The following LRP11 variants were observed in gnomAD, a reference collection of about 807,000 sequenced individuals.
The protein encoded by LRP11 is LDL receptor related protein 11.
LRP11 carries 25 observed loss-of-function variants against 43.1 expected under a neutral mutation model. That is an observed-to-expected ratio of 0.58 (90% CI 0.42 to 0.81). The LOEUF (loss-of-function observed/expected upper bound fraction) is 0.81, where lower values mean the gene tolerates loss of function less well. Among genes scored for constraint, LRP11 ranks in the 30% least tolerant of loss-of-function variants. The pLI is 0.00. For synonymous variants in LRP11, 316 were observed against 299.4 expected (o/e 1.06, Z -0.57); for missense variants, 623 against 665.1 (o/e 0.94, Z 0.70).
rs1776969697 is a variant in LRP11, at chr6:149,863,501, T to G, written c.520A>C (p.Lys174Gln). Residue 174 changes from lysine to glutamine, a missense_variant, in exon 1 of 7, where the codon AAG becomes CAG. By Grantham distance (53) the Lys-to-Gln change is moderately conservative. Coordinates refer to ENST00000239367, the MANE Select transcript of LRP11 (RefSeq NM_032832.6). ...NCTARGRNVC[K>Q]FALHSGYSSY... ...CTGTAGCCGCTGTGCAGCGCGAACT[T>G]GCAGACGTTGCGGCCGCGCGCCGTG... is the stretch of plus-strand genomic sequence containing the variant. The G allele has an allele frequency of 7.4e-7, 1 of 1,347,086 alleles. No homozygotes were observed. Among genetic ancestry groups the G allele is most frequent in the African/African-American group, 1.5e-5 (1 of 64,942 alleles). The allele number at this position is 1,347,086 out of a possible 1,614,324, so 83.4% of individuals were successfully genotyped here. A position where few individuals can be genotyped will look rare whatever the true frequency, so the allele number is the denominator to read the frequency against.
chr6:149,826,219 T>TG lies in LRP11; in HGVS notation c.1348+44dup, dbSNP rs776936981. ...TCCTCAGCCAGAGGGCATGCAGTTC[T>TG]GAGAAGACTACAGTCTGCAAAGGGT... On this transcript the variant is annotated intron_variant, in intron 6 of 6. Coordinates refer to ENST00000239367, the MANE Select transcript of LRP11 (RefSeq NM_032832.6). 2.8e-6 allele frequency: 4 copies of TG among 1,419,220 alleles called. No homozygotes were observed. The Admixed American group carries it at 5.0e-5, about 18-fold the overall frequency. 87.9% of individuals were successfully genotyped at this position (1,419,220 alleles called of 1,614,324 possible). A position where few individuals can be genotyped will look rare whatever the true frequency, so the allele number is the denominator to read the frequency against.
intron 2 of LRP11, among the ~76,000 whole-genome samples, chr6:149,845,724 T>C (rs376672438): frequency 4.0e-5 from 6 of 151,606 alleles, no homozygotes; most frequent in East Asian, 3.9e-4. Flanking sequence ...CAAGACCAGA[T>C]AATGTCTTAA....
intron 6 of LRP11, among the ~76,000 whole-genome samples, chr6:149,825,886 C>CAG (rs1776332475): frequency 2.6e-5 from 4 of 152,072 alleles, no homozygotes; most frequent in Non-Finnish European, 5.9e-5. Context: ...TGAGCTCAAG[C>CAG]GATCCTCCTG....
chr6:149,825,758 T>C (rs1776330789), intron 6 of LRP11, among the ~76,000 whole-genome samples: 2 of 151,628 alleles, frequency 1.3e-5, no homozygotes, highest in Non-Finnish European at 2.9e-5. Flanking sequence ...CAGGCTCAAG[T>C]GATCCTCCCA....
rs1776262464 is a variant in LRP11, at chr6:149,820,359, C to T, written c.*190G>A. On this transcript the variant is annotated 3_prime_UTR_variant, in exon 7 of 7. Transcript: ENST00000239367. ...TAGGAATCTTTAATCATGAATTCCT[C>T]TCTAAATTTCAAAATATTTTATGAC... 2.2e-6 allele frequency: 1 copy of T among 454,546 alleles called. No individual in the cohort carries two copies. The highest frequency in any genetic ancestry group is 3.8e-5 in the Admixed American group (1 of 26,164). The allele number at this position is 454,546 out of a possible 1,614,324, so 28.2% of individuals were successfully genotyped here. A position where few individuals can be genotyped will look rare whatever the true frequency, so the allele number is the denominator to read the frequency against.
intron 2 of LRP11, among the ~76,000 whole-genome samples, chr6:149,846,939 A>G (rs1776641428): frequency 6.9e-6 from 1 of 145,666 alleles, no homozygotes; most frequent in Non-Finnish European, 1.5e-5. Flanking sequence ...ATCTCAATAT[A>G]AAATAAAATA....
chr6:149,839,010 C>T (rs1290710881), intron 3 of LRP11, among the ~76,000 whole-genome samples: 4 of 151,394 alleles, frequency 2.6e-5, no homozygotes, highest in Non-Finnish European at 2.9e-5. Context: ...AATGGCTGAG[C>T]ACAGTTCACA....
chr6:149,829,753 T>C lies in LRP11; in HGVS notation c.1253-3394A>G, dbSNP rs550653250. 5.9e-5 allele frequency among the ~76,000 whole-genome samples: 9 copies of C among 152,164 alleles called. No individual in the cohort carries two copies. In the South Asian group the frequency reaches 1.2e-3, roughly 21 times the overall value. ...CCTCACTGTTTCTTCCCAATGAAGATGAGAGCTTGCTCATCTTAATTCTTA... is the reference window on the plus strand; with the variant it reads ...CCTCACTGTTTCTTCCCAATGAAGACGAGAGCTTGCTCATCTTAATTCTTA... On this transcript the variant is annotated intron_variant, in intron 5 of 6. Coordinates refer to ENST00000239367, the MANE Select transcript of LRP11 (RefSeq NM_032832.6).
chr6:149,836,137 C>T lies in LRP11; in HGVS notation c.1200G>A (p.Arg400=). Residue 400 remains arginine, a synonymous_variant, in exon 5 of 7, where the codon AGG becomes AGA. Coordinates refer to ENST00000239367, the MANE Select transcript of LRP11 (RefSeq NM_032832.6). ...KPPALSNTEK[R]NHSAFWGPES... ...CTGGTCCCCAAAAGGCGGAATGATT[C>T]CTCTTCTCTGTGTTTGATAATGCAG... is the stretch of plus-strand genomic sequence containing the variant. 6.2e-7 allele frequency: 1 copy of T among 1,614,116 alleles called. No homozygotes were observed. Among genetic ancestry groups the T allele is most frequent in the Non-Finnish European group, 8.5e-7 (1 of 1,180,026 alleles).
intron 2 of LRP11, among the ~76,000 whole-genome samples, chr6:149,852,754 T>C (rs1358526911): frequency 6.6e-6 from 1 of 152,226 alleles, no homozygotes; most frequent in Non-Finnish European, 1.5e-5. Flanking sequence ...GTCTTTGTCC[T>C]CTAGACAAGT....
chr6:149,837,717 G>A (rs533705401), intron 3 of LRP11, among the ~76,000 whole-genome samples: 44 of 152,222 alleles, frequency 2.9e-4, no homozygotes, highest in African/African-American at 1.0e-3. Context: ...CTTGCCAGGA[G>A]GTGGCACACA....
At chr6:149,825,821 G>T (rs1373553394) in intron 6 of LRP11, among the ~76,000 whole-genome samples, 1 of 152,110 alleles carries the variant, frequency 6.6e-6, no homozygotes, top group African/African-American at 2.4e-5. Context: ...GCTAATTTTT[G>T]TATTTTTTGT....
intron 2 of LRP11, among the ~76,000 whole-genome samples, chr6:149,848,303 A>T (rs1052386962): frequency 2.0e-5 from 3 of 152,230 alleles, no homozygotes; most frequent in African/African-American, 7.2e-5. Context: ...AAAGTGGTGT[A>T]CTGTGGAAAG....
intron 1 of LRP11, among the ~76,000 whole-genome samples, chr6:149,859,405 T>A (rs1172294678): frequency 6.2e-5 from 8 of 128,144 alleles, no homozygotes; most frequent in South Asian, 5.3e-4. Context: ...TATTTTTTTT[T>A]TTTTTTTTTT....
chr6:149,838,138 C>T (rs1415210014), intron 3 of LRP11, among the ~76,000 whole-genome samples: 2 of 151,704 alleles, frequency 1.3e-5, no homozygotes, highest in Middle Eastern at 3.2e-3. Flanking sequence ...AGGCTGGTCT[C>T]GAACTCCTGA....
At chr6:149,852,786 G>A (rs1776740591) in intron 2 of LRP11, among the ~76,000 whole-genome samples, 1 of 152,100 alleles carries the variant, frequency 6.6e-6, no homozygotes, top group Non-Finnish European at 1.5e-5. Context: ...GCTAGAAGGA[G>A]GGTAGGCTCC....
rs539853380 is a variant in LRP11, at chr6:149,843,187, C to A, written c.772-63G>T. ...ACTTGAGCTCCGAGCCCAACACCAT[C>A]CTCAACCGAAAGTCCATGTCCTCAG... On this transcript the variant is annotated intron_variant, in intron 2 of 6. Coordinates refer to ENST00000239367, the MANE Select transcript of LRP11 (RefSeq NM_032832.6). 16 of 1,599,402 alleles carry A rather than the reference C, an allele frequency of 1.0e-5. No individual in the cohort carries two copies. The South Asian group carries it at 1.3e-4, about 13-fold the overall frequency.
At chr6:149,862,846 C>T (rs1776941369) in intron 1 of LRP11, among the ~76,000 whole-genome samples, 1 of 152,148 alleles carries the variant, frequency 6.6e-6, no homozygotes, top group South Asian at 2.1e-4. Context: ...TCCCAAAGTG[C>T]TGGGATTACA....
At chr6:149,858,043 CTTTTT>C (rs1562447471) in intron 1 of LRP11, among the ~76,000 whole-genome samples, 1 of 152,120 alleles carries the variant, frequency 6.6e-6, no homozygotes, top group African/African-American at 2.4e-5. Flanking sequence ...TCAGATACTT[CTTTTT>C]AATTATTTTT....
Sources: allele counts gnomAD v4.1 joint callset (sites outside exome capture counted in the v4.1 genomes callset), GRCh38; gene constraint gnomAD v4.1.1; transcripts MANE v1.5; gene names NCBI Gene and HGNC (gene_info 2026-07-23, HGNC 2026-07-21).